ARB2A: variants seen among roughly 807,000 people sequenced by gnomAD.
The protein encoded by ARB2A is ARB2 cotranscriptional regulator A.
chr5:93,852,327 G>T, the ARB2A span, among the ~76,000 whole-genome samples: 3 of 151,858 alleles, frequency 2.0e-5, no homozygotes, highest in African/African-American at 7.2e-5. Flanking sequence ...TAAATTTGTT[G>T]GAGTTCATTA....
chr5:93,997,989 G>A, the ARB2A span, among the ~76,000 whole-genome samples: 1 of 151,652 alleles, frequency 6.6e-6, no homozygotes, highest in Non-Finnish European at 1.5e-5. Flanking sequence ...CATAGCATAT[G>A]TGTGTCTATA....
At chr5:93,927,023 T>A in the ARB2A span, among the ~76,000 whole-genome samples, 1 of 147,768 alleles carries the variant, frequency 6.8e-6, no homozygotes. Flanking sequence ...ATGAAAAAAC[T>A]GCTTGGAATG....
chr5:93,833,817 C>G, the ARB2A span, among the ~76,000 whole-genome samples: 1 of 152,114 alleles, frequency 6.6e-6, no homozygotes, highest in Non-Finnish European at 1.5e-5. Context: ...TTTACACCTT[C>G]GAATCTTTTT....
chr5:94,028,754 G>GT, the ARB2A span, among the ~76,000 whole-genome samples: 15 of 152,022 alleles, frequency 9.9e-5, no homozygotes, highest in African/African-American at 3.4e-4. Context: ...TTTCTGTGGG[G>GT]TTTTTTTCTC....
chr5:94,048,785 A>G, the ARB2A span, among the ~76,000 whole-genome samples: 1 of 152,186 alleles, frequency 6.6e-6, no homozygotes, highest in East Asian at 1.9e-4. Flanking sequence ...TATCCTGGAC[A>G]ACAAACTAAT....
chr5:93,728,660 C>T, the ARB2A span, among the ~76,000 whole-genome samples: 1 of 151,832 alleles, frequency 6.6e-6, no homozygotes, highest in South Asian at 2.1e-4. Flanking sequence ...GGCAAACCAT[C>T]GAGAAGCTTT....
chr5:93,951,341 C>T, the ARB2A span, among the ~76,000 whole-genome samples: 1 of 152,064 alleles, frequency 6.6e-6, no homozygotes, highest in South Asian at 2.1e-4. Flanking sequence ...GAGGCGATCC[C>T]GTTTGTCCAT....
the ARB2A span, chr5:93,862,162 A>G: frequency 6.6e-6 from 1 of 152,282 alleles, no homozygotes. Flanking sequence ...ATTTACAAAT[A>G]GAAAATTCAT....
the ARB2A span, among the ~76,000 whole-genome samples, chr5:94,011,394 T>C: frequency 2.6e-5 from 4 of 152,190 alleles, no homozygotes; most frequent in Admixed American, 6.5e-5. Flanking sequence ...TCATTATCTG[T>C]CTTCCCTTTC....
At chr5:93,971,938 G>A in the ARB2A span, among the ~76,000 whole-genome samples, 1 of 152,174 alleles carries the variant, frequency 6.6e-6, no homozygotes, top group Non-Finnish European at 1.5e-5. Flanking sequence ...CAAAGGAAAT[G>A]CAAGAGTGGT....
the ARB2A span, among the ~76,000 whole-genome samples, chr5:93,726,332 A>T: frequency 6.6e-6 from 1 of 151,596 alleles, no homozygotes; most frequent in Non-Finnish European, 1.5e-5. Flanking sequence ...CCTACCCCCA[A>T]CCCCCTCATA....
the ARB2A span, among the ~76,000 whole-genome samples, chr5:93,655,020 T>A: frequency 2.0e-5 from 3 of 152,180 alleles, no homozygotes; most frequent in Admixed American, 1.3e-4. Context: ...AGACATCTAG[T>A]CCTAACACTT....
the ARB2A span, among the ~76,000 whole-genome samples, chr5:93,894,986 G>T: frequency 6.6e-6 from 1 of 152,178 alleles, no homozygotes; most frequent in East Asian, 1.9e-4. Context: ...ATAAATACAT[G>T]TGATGTTGCT....
At chr5:94,029,446 T>C in the ARB2A span, among the ~76,000 whole-genome samples, 3 of 152,246 alleles carry the variant, frequency 2.0e-5, no homozygotes, top group Non-Finnish European at 4.4e-5. Context: ...TTTGTCTAAT[T>C]GTGTCCTTGT....
chr5:94,067,664 G>C, the ARB2A span, among the ~76,000 whole-genome samples: 2 of 152,082 alleles, frequency 1.3e-5, no homozygotes, highest in African/African-American at 4.8e-5. Flanking sequence ...ACATTAATGA[G>C]AGAAATTGAA....
chr5:93,694,735 A>T, the ARB2A span, among the ~76,000 whole-genome samples: 1 of 152,228 alleles, frequency 6.6e-6, no homozygotes, highest in African/African-American at 2.4e-5. Context: ...AGCCAAGACA[A>T]TCCTAAGCAC....
the ARB2A span, among the ~76,000 whole-genome samples, chr5:94,011,486 T>G: frequency 6.6e-6 from 1 of 152,150 alleles, no homozygotes; most frequent in Admixed American, 6.6e-5. Flanking sequence ...GAATACTGCC[T>G]GATAGAGAGT....
chr5:93,698,630 C>A, the ARB2A span, among the ~76,000 whole-genome samples: 1 of 152,154 alleles, frequency 6.6e-6, no homozygotes, highest in Admixed American at 6.5e-5. Flanking sequence ...TAACTCATTG[C>A]ATGTCAGCCT....
chr5:93,757,914 T>A, the ARB2A span, among the ~76,000 whole-genome samples: 18 of 152,148 alleles, frequency 1.2e-4, no homozygotes, highest in African/African-American at 4.1e-4. Context: ...ACATTGAAAG[T>A]AAATGACCTA....
Sources: gnomAD v4.1 joint callset for allele counts (sites outside exome capture counted in the v4.1 genomes callset) on GRCh38, gnomAD v4.1.1 for gene constraint, MANE v1.5 for transcripts, NCBI Gene and HGNC (gene_info 2026-07-23, HGNC 2026-07-21) for gene names.